RCSD1: variants seen among roughly 807,000 people sequenced by gnomAD.
RCSD1 encodes RCSD domain containing 1.
Under a neutral mutation model 42.5 loss-of-function variants are expected in RCSD1, and 26 were observed. The observed-to-expected ratio is 0.61, with a 90% CI of 0.45 to 0.85. The LOEUF (loss-of-function observed/expected upper bound fraction) is 0.85. Among genes scored for constraint, RCSD1 ranks in the 40% least tolerant of loss-of-function variants. The pLI is 0.00. For synonymous variants in RCSD1, 220 were observed against 212.2 expected, an observed-to-expected ratio of 1.04 and a Z score of -0.32; for missense variants, 571 against 528.3, an observed-to-expected ratio of 1.08 and a Z score of -0.79.
chr1:167,635,884 A>G (rs1467893316), intron 1 of RCSD1, among the ~76,000 whole-genome samples: 6 of 152,228 alleles, frequency 3.9e-5, no homozygotes, highest in African/African-American at 1.4e-4. Context: ...TTACCTGGGG[A>G]GTAGTTCAAC....
intron 3 of RCSD1, among the ~76,000 whole-genome samples, chr1:167,686,109 A>T (rs571528791): frequency 6.6e-6 from 1 of 152,208 alleles, no homozygotes; most frequent in Non-Finnish European, 1.5e-5. Flanking sequence ...CTTAGCCTGC[A>T]TATTCTCCTA....
chr1:167,647,282 G>A (rs1658181791), intron 1 of RCSD1, among the ~76,000 whole-genome samples: 1 of 152,096 alleles, frequency 6.6e-6, no homozygotes, highest in Non-Finnish European at 1.5e-5. Flanking sequence ...CCTGCATGAG[G>A]CATGTTCTTA....
intron 1 of RCSD1, among the ~76,000 whole-genome samples, chr1:167,665,394 C>T (rs1417329862): frequency 6.6e-6 from 1 of 152,106 alleles, no homozygotes; most frequent in East Asian, 1.9e-4. Context: ...ATTTCTAGGT[C>T]TCAGATATTA....
Position 167,678,464 on chromosome 1 carries a change from C to T in RCSD1, c.7-5436C>T, listed in dbSNP as rs932714462. ...CATCCCGTTATCCAAGTCAAACCTT[C>T]AGGAGTCATCCATGATTCTTCTCTT... On this transcript the variant is annotated intron_variant, in intron 1 of 6. Transcript: ENST00000367854. 2.0e-5 allele frequency among the ~76,000 whole-genome samples: 3 copies of T among 149,868 alleles called. No homozygotes were observed. In the East Asian group the frequency reaches 6.1e-4, roughly 30 times the overall value.
chr1:167,639,256 C>CAAAG (rs1657946593), intron 1 of RCSD1, among the ~76,000 whole-genome samples: 1 of 151,470 alleles, frequency 6.6e-6, no homozygotes, highest in Non-Finnish European at 1.5e-5. Context: ...CAAAAACAAA[C>CAAAG]AAACAAAAAG....
chr1:167,685,566 T>C (rs530875576), intron 3 of RCSD1, 56 bp downstream of exon 3: 132 of 1,465,488 alleles, frequency 9.0e-5, no homozygotes, highest in Middle Eastern at 3.5e-4. Context: ...TTTCCTCTTC[T>C]TGAGGAAAGT....
intron 1 of RCSD1, among the ~76,000 whole-genome samples, chr1:167,678,285 G>A (rs1329966818): frequency 2.0e-5 from 3 of 152,054 alleles, no homozygotes; most frequent in African/African-American, 4.8e-5. Context: ...CCAGACTTGG[G>A]TATATATTCA....
In RCSD1 at chr1:167,700,769, T is replaced by C. The variant is rs768707446; in HGVS notation, c.1218+2927T>C. 2.0e-5 allele frequency among the ~76,000 whole-genome samples: 3 copies of C among 152,176 alleles called. No homozygotes were observed. The South Asian group carries it at 6.2e-4, about 32-fold the overall frequency. On this transcript the variant is annotated intron_variant, in intron 6 of 6. Transcript: ENST00000367854. ...ACCAGGTCTAGAGAAGGCAAATACA[T>C]GCCCCAATCTGTTAGTCCTTTTTGA...
intron 1 of RCSD1, among the ~76,000 whole-genome samples, chr1:167,674,366 G>A (rs923960623): frequency 6.6e-6 from 1 of 152,208 alleles, no homozygotes; most frequent in Admixed American, 6.5e-5. Context: ...GGGAAGGAAA[G>A]TCACGAACAT....
At chr1:167,688,250 C>G (rs1263974915) in intron 3 of RCSD1, among the ~76,000 whole-genome samples, 1 of 152,146 alleles carries the variant, frequency 6.6e-6, no homozygotes, top group Non-Finnish European at 1.5e-5. Flanking sequence ...TTTCCACAGA[C>G]TTCAGAAATC....
chr1:167,657,901 AC>A, intron 1 of RCSD1, among the ~76,000 whole-genome samples: 1 of 151,936 alleles, frequency 6.6e-6, no homozygotes, highest in Non-Finnish European at 1.5e-5. Context: ...GCACACACAC[AC>A]ACACACACAC....
intron 3 of RCSD1, among the ~76,000 whole-genome samples, chr1:167,689,001 C>T (rs1356206401): frequency 4.6e-5 from 7 of 151,966 alleles, no homozygotes; most frequent in South Asian, 2.1e-4. Context: ...ATATGGATCC[C>T]GAAGGCAGAC....
At chr1:167,693,777 A>G (rs532910742) in intron 4 of RCSD1, among the ~76,000 whole-genome samples, 2 of 152,356 alleles carry the variant, frequency 1.3e-5, no homozygotes, top group African/African-American at 4.8e-5. Flanking sequence ...CTGGTGCCAC[A>G]GGTGCTCCTG....
At chr1:167,645,459 CA>C (rs1658111759) in intron 1 of RCSD1, among the ~76,000 whole-genome samples, 1 of 152,144 alleles carries the variant, frequency 6.6e-6, no homozygotes, top group African/African-American at 2.4e-5. Context: ...TAAAGCAGGA[CA>C]CAGGATATGC....
chr1:167,681,616 A>G (rs968249213), intron 1 of RCSD1, among the ~76,000 whole-genome samples: 1 of 152,150 alleles, frequency 6.6e-6, no homozygotes, highest in African/African-American at 2.4e-5. Flanking sequence ...TGATTCCTAT[A>G]CAGCTCTATT....
chr1:167,665,756 T>C (rs938957241), intron 1 of RCSD1, among the ~76,000 whole-genome samples: 1 of 152,216 alleles, frequency 6.6e-6, no homozygotes, highest in Non-Finnish European at 1.5e-5. Flanking sequence ...TGGTGAAGTG[T>C]CTGTTTAAAT....
intron 1 of RCSD1, 83 bp downstream of exon 1, chr1:167,630,512 TGAGCATG>T (rs2102188535): frequency 7.3e-7 from 1 of 1,364,334 alleles, no homozygotes; most frequent in Non-Finnish European, 9.7e-7. Flanking sequence ...GCCCCTGCCC[TGAGCATG>T]GAGCACGCGG....
At chr1:167,632,517 G>T (rs6665774) in intron 1 of RCSD1, among the ~76,000 whole-genome samples, 10 of 152,250 alleles carry the variant, frequency 6.6e-5, no homozygotes, top group South Asian at 2.1e-4. Flanking sequence ...GTGTGGCTTG[G>T]GGGGTGGAGG....
intron 3 of RCSD1, 149 bp downstream of exon 3, chr1:167,685,659 TAA>T (rs1659216247): frequency 1.6e-6 from 1 of 630,218 alleles, no homozygotes; most frequent in African/African-American, 1.9e-5. Context: ...AATCTCCTCT[TAA>T]ATGTTTCCTG....
Sources: gnomAD v4.1 joint callset for allele counts (sites outside exome capture counted in the v4.1 genomes callset) on GRCh38, gnomAD v4.1.1 for gene constraint, MANE v1.5 for transcripts, NCBI Gene and HGNC (gene_info 2026-07-23, HGNC 2026-07-21) for gene names.